The following ACAD9 variants were observed in gnomAD, a reference collection of about 807,000 sequenced individuals.
ACAD9 encodes the protein acyl-CoA dehydrogenase family member 9, also known as complex I assembly factor ACAD9, mitochondrial.
A neutral mutation model predicts 70.2 loss-of-function variants in ACAD9; 53 were observed. The ratio of observed to expected loss-of-function variants is 0.75; its 90% confidence interval spans 0.61 to 0.95. The LOEUF is 0.95. ACAD9 is among the 40% of genes least tolerant of loss of function. The pLI, the probability that ACAD9 is intolerant of heterozygous loss-of-function variation, is 0.00. For synonymous variants in ACAD9, 313 were observed against 312.1 expected, an observed-to-expected ratio of 1.00 and a Z score of -0.03; for missense variants, 777 against 802.8, an observed-to-expected ratio of 0.97 and a Z score of 0.39.
chr3:128,892,298 T>C (rs1935443697), intron 2 of ACAD9, among the ~76,000 whole-genome samples: 1 of 152,210 alleles, frequency 6.6e-6, no homozygotes, highest in Admixed American at 6.5e-5. Flanking sequence ...ATAAAGTTGT[T>C]AAAGGATAAA....
chr3:128,904,438 A>G lies in ACAD9; in HGVS notation c.1082A>G (p.Tyr361Cys). ...QKAYVMESMT[Y>C]LTAGMLDQPG... is the part of the protein sequence containing the mutation. Reference sequence around the variant, plus strand: ...GCTTACGTCATGGAGAGTATGACCTACCTCACAGCAGGGATGCTGGACCAA... The same window carrying G: ...GCTTACGTCATGGAGAGTATGACCTGCCTCACAGCAGGGATGCTGGACCAA... Residue 361 changes from tyrosine (Y) to cysteine (C), a missense_variant, in exon 11 of 18, where the codon TAC becomes TGC. Transcript: ENST00000308982. 1 of 1,614,220 alleles carries G rather than the reference A, an allele frequency of 6.2e-7. No homozygotes were observed. The highest frequency in any genetic ancestry group is 8.5e-7 in the Non-Finnish European group (1 of 1,180,042).
chr3:128,883,070 C>CT (rs1935138202), intron 1 of ACAD9, among the ~76,000 whole-genome samples: 1 of 129,232 alleles, frequency 7.7e-6, no homozygotes, highest in Non-Finnish European at 1.6e-5. Context: ...GAGCCATCAG[C>CT]TTGTTTTTTT....
intron 11 of ACAD9, 134 bp downstream of exon 11, chr3:128,904,639 C>A: frequency 7.0e-7 from 1 of 1,436,234 alleles, no homozygotes; most frequent in Non-Finnish European, 9.4e-7. Flanking sequence ...ATGCACTTGC[C>A]CTGTGTAGCA....
chr3:128,906,583 A>C (rs1935898528), intron 12 of ACAD9, among the ~76,000 whole-genome samples: 1 of 152,208 alleles, frequency 6.6e-6, no homozygotes, highest in Non-Finnish European at 1.5e-5. Context: ...CTCCAGAGGC[A>C]GCCAGAGTTT....
intron 1 of ACAD9, among the ~76,000 whole-genome samples, chr3:128,883,424 C>A (rs145867038): frequency 6.6e-6 from 1 of 151,752 alleles, no homozygotes; most frequent in East Asian, 1.9e-4. Flanking sequence ...ATGGCGCAAT[C>A]TCGGCTCACT....
chr3:128,880,528 G>A (rs928222942), intron 1 of ACAD9, among the ~76,000 whole-genome samples: 2 of 149,964 alleles, frequency 1.3e-5, no homozygotes, highest in Non-Finnish European at 2.9e-5. Flanking sequence ...GAGTAGCTGG[G>A]ATTACAGGCG....
Position 128,884,641 on chromosome 3 carries a change from T to C in ACAD9, c.151-12T>C, listed in dbSNP as rs773302706. On this transcript the variant is annotated splice_polypyrimidine_tract_variant and intron_variant, in intron 1 of 17. Transcript: ENST00000308982. ...AAAATTAAATTTTTTAGAAAATATT[T>C]ACTATTTTTAGAAAGAAGTTTTCCC... 9.5e-6 allele frequency: 15 copies of C among 1,585,184 alleles called. No homozygotes were observed. Among genetic ancestry groups the C allele is most frequent in the Non-Finnish European group, 1.3e-5 (15 of 1,157,068 alleles).
chr3:128,885,654 A>C (rs1479313271), intron 2 of ACAD9, among the ~76,000 whole-genome samples: 4 of 152,058 alleles, frequency 2.6e-5, no homozygotes, highest in African/African-American at 9.7e-5. Context: ...TGGCCTCCCA[A>C]AGGGCTGGGA....
At chr3:128,892,752 A>G (rs574678950) in intron 2 of ACAD9, among the ~76,000 whole-genome samples, 6 of 152,356 alleles carry the variant, frequency 3.9e-5, no homozygotes, top group African/African-American at 1.4e-4. Flanking sequence ...TGAAAGCAGT[A>G]TGGCCTCTGG....
At position 128,884,680 on chromosome 3, in the gene ACAD9, A is replaced by C; in HGVS notation, c.178A>C (p.Ser60Arg). Reference protein sequence around the residue: ...KKEVFPFPEVSQDELNEINQF... With the variant: ...KKEVFPFPEVRQDELNEINQF... ...AGAAGTTTTCCCATTTCCAGAAGTT[A>C]GCCAAGATGAACTTAATGAAATCAA... The change falls in exon 2 of 18, where the codon AGC becomes CGC. Residue 60 changes from serine to arginine, a missense_variant. Ser to Arg is a moderately radical substitution (Grantham distance 110, BLOSUM62 -1). Transcript: ENST00000308982. 2 of 1,612,504 alleles carry C rather than the reference A, an allele frequency of 1.2e-6. No individual in the cohort carries two copies. Among genetic ancestry groups the C allele is most frequent in the Non-Finnish European group, 1.7e-6 (2 of 1,179,624 alleles).
At chr3:128,897,998 A>C (rs773967353) in intron 6 of ACAD9, among the ~76,000 whole-genome samples, 2 of 152,008 alleles carry the variant, frequency 1.3e-5, no homozygotes, top group African/African-American at 2.4e-5. Context: ...CTGGGATTAG[A>C]GGTGCGTGTC....
intron 4 of ACAD9, 103 bp downstream of exon 4, chr3:128,895,519 T>C (rs1404594466): frequency 2.8e-6 from 3 of 1,078,456 alleles, no homozygotes; most frequent in Non-Finnish European, 1.4e-6. Flanking sequence ...GGGCCTGATA[T>C]CTGACCTTCA....
chr3:128,902,781 A>C lies in ACAD9; in HGVS notation c.958+153A>C, dbSNP rs1306988377. On this transcript the variant is annotated intron_variant, in intron 9 of 17. Coordinates refer to ENST00000308982, the MANE Select transcript of ACAD9 (RefSeq NM_014049.5). This position sits in a 1 kb window ranked among gnomAD's most constrained non-coding sequence, Gnocchi z 4.0. ...GTCCCTGGGCTTTTGTGGAGACCAG[A>C]GGGTCTCCTCAGCCTGCCCCTGAGG... 1 of 854,374 alleles carries C rather than the reference A, an allele frequency of 1.2e-6. No homozygotes were observed. The highest frequency in any genetic ancestry group is 1.9e-6 in the Non-Finnish European group (1 of 520,204). 52.9% of individuals were successfully genotyped at this position (854,374 alleles called of 1,614,324 possible).
At position 128,902,743 on chromosome 3, in the gene ACAD9, C is replaced by T. The variant is rs1935777670; in HGVS notation, c.958+115C>T. The T allele has an allele frequency of 8.4e-7, 1 of 1,194,488 alleles. No individual in the cohort carries two copies. Among genetic ancestry groups the T allele is most frequent in the Non-Finnish European group, 1.2e-6 (1 of 822,322 alleles). 74.0% of individuals were successfully genotyped at this position (1,194,488 alleles called of 1,614,324 possible). A position where few individuals can be genotyped will look rare whatever the true frequency, so the allele number is the denominator to read the frequency against. On this transcript the variant is annotated intron_variant, in intron 9 of 17. Coordinates refer to ENST00000308982, the MANE Select transcript of ACAD9 (RefSeq NM_014049.5). This position sits in a 1 kb window ranked among gnomAD's most constrained non-coding sequence, Gnocchi z 4.0. ...CCAGGCCAGTGCTGAACCAGGCTAC[C>T]AGCCTGAGCTCAGTCCCTGGGCTTT...
intron 11 of ACAD9, among the ~76,000 whole-genome samples, chr3:128,905,386 T>TG (rs987654416): frequency 6.6e-6 from 1 of 152,172 alleles, no homozygotes; most frequent in African/African-American, 2.4e-5. Flanking sequence ...TGGCCACACT[T>TG]GGGGGGACCC....
chr3:128,908,582 T>G (rs2093887940), intron 13 of ACAD9: 1 of 555,886 alleles, frequency 1.8e-6, no homozygotes, highest in Non-Finnish European at 3.2e-6. Context: ...GTGCCAGGCC[T>G]CACAGCCAAC....
rs77940605 is a variant in ACAD9 at position 128,912,448 on chromosome 3, C to T, written c.1766-59C>T. On this transcript the variant is annotated intron_variant, in intron 17 of 17. Transcript: ENST00000308982. The stretch of plus-strand genomic sequence containing the variant: ...TGTGGAAAAATGCCCCCACTTCAGC[C>T]ATGTTTGTCTTATCACGGTGCAGAA... The T allele has an allele frequency of 5.0e-4, 751 of 1,507,432 alleles. 9 individuals are homozygous for T. The East Asian group carries it at 0.015, about 31-fold the overall frequency. 93.4% of individuals were successfully genotyped at this position (1,507,432 alleles called of 1,614,324 possible).
At chr3:128,910,240 G>A (rs1243657512) in intron 16 of ACAD9, 91 bp downstream of exon 16, 18 of 1,587,322 alleles carry the variant, frequency 1.1e-5, no homozygotes, top group Admixed American at 1.0e-4. Context: ...GGGTGTGGTC[G>A]GGTGTGGGGG....
rs868818146 is a variant in ACAD9 at position 128,892,043 on chromosome 3, A to G, written c.245-1512A>G. Among the ~76,000 whole-genome samples the G allele has an allele frequency of 9.2e-5, 14 of 152,336 alleles. 1 individual carries two copies. In the Middle Eastern group the frequency reaches 0.014, roughly 148 times the overall value. ...TGACCTGAGTTAAAGAAGCCCGGGA[A>G]AATAGGTGCCATATGGATTCATTTA... On this transcript the variant is annotated intron_variant, in intron 2 of 17. Transcript: ENST00000308982.
Sources: gnomAD v4.1 joint callset for allele counts (sites outside exome capture counted in the v4.1 genomes callset) on GRCh38, gnomAD v4.1.1 for gene constraint, Gnocchi (gnomAD v3.1) non-coding constraint, MANE v1.5 for transcripts, NCBI Gene and HGNC (gene_info 2026-07-23, HGNC 2026-07-21) for gene names.